DGKZ: variants seen among roughly 807,000 people sequenced by gnomAD.
DGKZ encodes diacylglycerol kinase zeta, also known as DAG kinase zeta.
Under a neutral mutation model 142.5 loss-of-function variants are expected in DGKZ, and 45 were observed. The observed-to-expected ratio is 0.32, with a 90% CI of 0.25 to 0.40. DGKZ has a LOEUF of 0.40. DGKZ is among the 10% of genes least tolerant of loss of function. The pLI is 1.00. For synonymous variants in DGKZ, 442 were observed against 527.0 expected (o/e 0.84, Z 2.21); for missense variants, 755 against 1,306.5 (o/e 0.58, Z 6.51).
At position 46,376,417 on chromosome 11, in the gene DGKZ, G is replaced by A. The variant is rs1311850770; in HGVS notation, c.2161+20G>A. 1 of 1,613,976 alleles carries A rather than the reference G, an allele frequency of 6.2e-7. No individual in the cohort carries two copies. Among genetic ancestry groups the A allele is most frequent in the South Asian group, 1.1e-5 (1 of 91,092 alleles). ...TGGACGGTGAGTCTACTCCCAGGGT[G>A]CCAAGCTGTTTCGTGTTCCCTCCCT... On this transcript the variant is annotated intron_variant, in intron 23 of 30. Transcript: ENST00000527911.
Position 46,335,615 on chromosome 11 carries a change from AAAC to A in DGKZ, c.212+2133_212+2135del, listed in dbSNP as rs566295442. Reference sequence around the variant, plus strand: ...AGGTTACCTGTGTGAGGGCGGCAGAAAACAACACCAGGGTGGACTCTGCTGTCA... The same window carrying A: ...AGGTTACCTGTGTGAGGGCGGCAGAAAACACCAGGGTGGACTCTGCTGTCA... On this transcript the variant is annotated intron_variant, in intron 1 of 30. Coordinates refer to the DGKZ transcript ENST00000343674. 2.2e-4 allele frequency among the ~76,000 whole-genome samples: 33 copies of A among 152,320 alleles called. No homozygotes were observed. The South Asian group carries it at 6.0e-3, about 28-fold the overall frequency.
At chr11:46,333,225 G>T (rs1052497304) in exon 1 of DGKZ, 3 of 1,238,834 alleles carry the variant, frequency 2.4e-6, no homozygotes, top group South Asian at 6.7e-5. Context: ...ACTCGAACTT[G>T]AGCGGGTGCC....
intron 22 of DGKZ, 52 bp downstream of exon 22, chr11:46,376,197 A>G: frequency 6.2e-7 from 1 of 1,605,406 alleles, no homozygotes; most frequent in Non-Finnish European, 8.5e-7. Context: ...GTGGGAAGTG[A>G]GGCCAGGCCT....
intron 1 of DGKZ, among the ~76,000 whole-genome samples, chr11:46,336,525 T>C (rs1940022668): frequency 6.6e-6 from 1 of 152,142 alleles, no homozygotes; most frequent in Non-Finnish European, 1.5e-5. Context: ...CCCAGGGATT[T>C]GGGACCAGCC....
intron 1 of DGKZ, chr11:46,365,210 C>T (rs11038875): frequency 3.0e-6 from 3 of 985,422 alleles, no homozygotes; most frequent in East Asian, 1.1e-4. Context: ...CAGGAGGGAG[C>T]TCTGGGCTGT....
chr11:46,334,658 G>A (rs142878552), intron 1 of DGKZ, among the ~76,000 whole-genome samples: 1 of 152,262 alleles, frequency 6.6e-6, no homozygotes, highest in East Asian at 1.9e-4. Flanking sequence ...GGTTCCCATG[G>A]GCCCTACCTC....
rs909794413 is a variant in DGKZ at position 46,374,541 on chromosome 11, C to T, written c.1462-63C>T. On this transcript the variant is annotated intron_variant, in intron 16 of 30. Coordinates refer to ENST00000527911, the Ensembl canonical transcript of DGKZ. ...CTGTGTCCACCAGGCCCCAGGAGCC[C>T]TGCCGGGTGCTGGTGAGGAAAGATC... 12 of 1,609,742 alleles carry T rather than the reference C, an allele frequency of 7.5e-6. No homozygotes were observed. In the Admixed American group the frequency reaches 1.8e-4, roughly 25 times the overall value.
chr11:46,379,616 T>C (rs1944989373), intron 30 of DGKZ, 48 bp downstream of exon 30: 6 of 1,521,120 alleles, frequency 3.9e-6, no homozygotes, highest in Non-Finnish European at 5.4e-6. Context: ...AACCAAACCT[T>C]TCCCAAGGTC....
At chr11:46,365,312 G>T (rs530823680) in intron 1 of DGKZ, 1 of 985,414 alleles carries the variant, frequency 1.0e-6, no homozygotes, top group East Asian at 1.1e-4. Context: ...AGAGTCAGAA[G>T]GGTTTCCCGG....
exon 27 of DGKZ, chr11:46,378,494 C>A (rs1170674637): frequency 1.2e-6 from 2 of 1,611,224 alleles, no homozygotes; most frequent in South Asian, 1.1e-5. Context: ...GGAACGACTT[C>A]TGTAAGGTAC....
chr11:46,352,500 G>GAGGCCC (rs1268627425), intron 1 of DGKZ, among the ~76,000 whole-genome samples: 4 of 152,152 alleles, frequency 2.6e-5, no homozygotes, highest in African/African-American at 9.7e-5. Context: ...CCCGTCCCCT[G>GAGGCCC]AGGCCCAGGC....
At chr11:46,337,924 T>C (rs1196088266) in intron 1 of DGKZ, among the ~76,000 whole-genome samples, 3 of 152,156 alleles carry the variant, frequency 2.0e-5, no homozygotes, top group Admixed American at 6.5e-5. Flanking sequence ...CCTGGTGTCC[T>C]GGGTGTGGGC....
chr11:46,380,025 C>G, exon 31 of DGKZ: 1 of 1,376,538 alleles, frequency 7.3e-7, no homozygotes, highest in East Asian at 2.5e-5. Context: ...CTGCCACATT[C>G]CAGTGGGACG....
At chr11:46,364,634 C>G (rs1469375080) in intron 1 of DGKZ, 2 of 985,354 alleles carry the variant, frequency 2.0e-6, no homozygotes, top group African/African-American at 1.7e-5. Context: ...CCCAACACCC[C>G]TGTACCTGGC....
chr11:46,345,101 C>G (rs536432249), upstream of DGKZ, among the ~76,000 whole-genome samples: 34 of 152,306 alleles, frequency 2.2e-4, no homozygotes, highest in African/African-American at 7.7e-4. This position sits in a 1 kb window ranked among gnomAD's most constrained non-coding sequence, Gnocchi z 4.1. Flanking sequence ...AGCGGGAGAC[C>G]TCAGCAGGAC....
At chr11:46,346,476 T>C (rs868053995), upstream of DGKZ, among the ~76,000 whole-genome samples, 3 of 152,238 alleles carry the variant, frequency 2.0e-5, no homozygotes, top group South Asian at 4.1e-4. Flanking sequence ...TTCCAATTGC[T>C]CTCATTTCTG....
chr11:46,336,221 C>T (rs1471278451), intron 1 of DGKZ, among the ~76,000 whole-genome samples: 2 of 152,130 alleles, frequency 1.3e-5, no homozygotes, highest in Non-Finnish European at 2.9e-5. Context: ...AGGTTTCCTT[C>T]GCCTCCCAGT....
intron 1 of DGKZ, among the ~76,000 whole-genome samples, chr11:46,348,657 C>T (rs1019134765): frequency 1.3e-5 from 2 of 152,122 alleles, no homozygotes; most frequent in Admixed American, 6.5e-5. Flanking sequence ...AGCGGGGAAC[C>T]GGGGGGAGAG....
chr11:46,365,824 C>CGACT, intron 1 of DGKZ: 1 of 985,386 alleles, frequency 1.0e-6, no homozygotes, highest in South Asian at 4.7e-5. Flanking sequence ...CCAGGCAGAC[C>CGACT]GACTCCCCAT....
Sources: gnomAD v4.1 joint callset for allele counts (sites outside exome capture counted in the v4.1 genomes callset) on GRCh38, gnomAD v4.1.1 for gene constraint, Gnocchi (gnomAD v3.1) non-coding constraint, MANE v1.5 for transcripts, NCBI Gene and HGNC (gene_info 2026-07-23, HGNC 2026-07-21) for gene names.